ANO10: variants seen among roughly 807,000 people sequenced by gnomAD.
ANO10 encodes the protein anoctamin 10, also known as anoctamin-10.
A neutral mutation model predicts 74.7 loss-of-function variants in ANO10; 77 were observed. The observed-to-expected ratio is 1.03, with a 90% CI of 0.86 to 1.25. ANO10 has a LOEUF of 1.25. Ranked by LOEUF, ANO10 falls within the 50% of genes most tolerant of loss-of-function variation. The probability of loss-of-function intolerance (pLI) is 0.00; values close to 1 mark genes in which losing one functional copy is unlikely to be tolerated. For missense variants in ANO10, 721 were observed against 778.1 expected (o/e 0.93, Z 0.87); for synonymous variants, 279 against 284.9 (o/e 0.98, Z 0.21).
chr3:43,690,404 G>T (rs2084342575), intron 1 of ANO10: 1 of 152,478 alleles, frequency 6.6e-6, no homozygotes, highest in South Asian at 2.1e-4. Context: ...CGAGTGGGAG[G>T]GAAATTGCTG....
chr3:43,613,027 G>T (rs1158023171), intron 1 of ANO10, among the ~76,000 whole-genome samples: 1 of 152,052 alleles, frequency 6.6e-6, no homozygotes, highest in African/African-American at 2.4e-5. Context: ...AATTAGCCAG[G>T]CGTGGTGGCA....
intron 11 of ANO10, among the ~76,000 whole-genome samples, chr3:43,473,318 C>T (rs541804027): frequency 7.9e-4 from 120 of 152,228 alleles, no homozygotes; most frequent in Non-Finnish European, 1.5e-3. Flanking sequence ...CCATGCCCAG[C>T]GCCGTCTACA....
chr3:43,500,337 C>G (rs2077054809), intron 11 of ANO10, among the ~76,000 whole-genome samples: 1 of 152,188 alleles, frequency 6.6e-6, no homozygotes, highest in Non-Finnish European at 1.5e-5. Context: ...CAGCTGGCAT[C>G]CATTTGCAAG....
intron 11 of ANO10, among the ~76,000 whole-genome samples, chr3:43,448,225 T>C (rs1025285518): frequency 2.8e-4 from 43 of 152,192 alleles, no homozygotes; most frequent in African/African-American, 9.7e-4. Context: ...TATTCTGTTA[T>C]AGCAGCCTGA....
chr3:43,569,216 T>C (rs2080552858), intron 7 of ANO10, among the ~76,000 whole-genome samples: 1 of 126,210 alleles, frequency 7.9e-6, no homozygotes, highest in Non-Finnish European at 1.6e-5. Flanking sequence ...CCAAAAAGAG[T>C]CCAGGACCAG....
At chr3:43,533,944 GAATT>G (rs1328297314) in intron 11 of ANO10, among the ~76,000 whole-genome samples, 1 of 152,156 alleles carries the variant, frequency 6.6e-6, no homozygotes, top group Admixed American at 6.5e-5. Context: ...TTCTGCTTAT[GAATT>G]AATGCTTATT....
intron 1 of ANO10, among the ~76,000 whole-genome samples, chr3:43,683,015 T>C (rs1197763615): frequency 6.6e-6 from 1 of 152,144 alleles, no homozygotes; most frequent in Non-Finnish European, 1.5e-5. Flanking sequence ...CTTTGAAAAC[T>C]GGCACAAGAC....
intron 11 of ANO10, among the ~76,000 whole-genome samples, chr3:43,522,936 T>C (rs1411368812): frequency 3.3e-5 from 5 of 152,170 alleles, no homozygotes; most frequent in African/African-American, 1.2e-4. Context: ...AAATTATTAC[T>C]GGCTCAATAT....
At chr3:43,679,615 G>C (rs2084168191) in intron 1 of ANO10, among the ~76,000 whole-genome samples, 1 of 152,190 alleles carries the variant, frequency 6.6e-6, no homozygotes, top group Non-Finnish European at 1.5e-5. Context: ...CACACAGCTG[G>C]AGATCTGAGA....
rs755577754 is a variant in ANO10, at chr3:43,691,050, C to T, written c.-12+467G>A. 3.9e-6 allele frequency: 6 copies of T among 1,548,386 alleles called. No homozygotes were observed. In the East Asian group the frequency reaches 1.6e-4, roughly 41 times the overall value. On this transcript the variant is annotated intron_variant, in intron 1 of 3. Transcript: ENST00000413397. ...CGACACCGGAGAGAGGTAAGCGCAG[C>T]CGGCAGGGGGCTTCGTGTGTCTCCG...
At chr3:43,547,794 A>G (rs2079266711) in intron 11 of ANO10, among the ~76,000 whole-genome samples, 1 of 152,218 alleles carries the variant, frequency 6.6e-6, no homozygotes, top group Non-Finnish European at 1.5e-5. Flanking sequence ...TATGTGATTA[A>G]GGTATCACTA....
intron 12 of ANO10, among the ~76,000 whole-genome samples, chr3:43,414,849 C>T (rs1169662760): frequency 6.6e-6 from 1 of 152,028 alleles, no homozygotes; most frequent in African/African-American, 2.4e-5. Context: ...TACTTATACC[C>T]ATGTGCTCTG....
chr3:43,622,249 A>T (rs555498760), upstream of ANO10, among the ~76,000 whole-genome samples: 1 of 152,124 alleles, frequency 6.6e-6, no homozygotes, highest in Non-Finnish European at 1.5e-5. Flanking sequence ...CGCCTGGAAC[A>T]GGAGACCAGG....
chr3:43,551,321 T>G, intron 10 of ANO10, among the ~76,000 whole-genome samples: 1 of 152,234 alleles, frequency 6.6e-6, no homozygotes, highest in Non-Finnish European at 1.5e-5. Context: ...CAGCAGCATA[T>G]GACAGTGCCT....
At chr3:43,622,521 A>G (rs890740490), upstream of ANO10, among the ~76,000 whole-genome samples, 1 of 152,216 alleles carries the variant, frequency 6.6e-6, no homozygotes, top group Admixed American at 6.5e-5. Flanking sequence ...TCTCATTTTA[A>G]CTGTAGCTCA....
At chr3:43,425,718 G>GTTATATATAAAAGAATGTC (rs1394411070) in intron 12 of ANO10, among the ~76,000 whole-genome samples, 1 of 152,070 alleles carries the variant, frequency 6.6e-6, no homozygotes, top group African/African-American at 2.4e-5. Context: ...CTGCAGTACA[G>GTTATATATAAAAGAATGTC]CATCACATGA....
Position 43,600,479 on chromosome 3 carries a change from A to G in ANO10, c.242T>C (p.Leu81Pro). Residue 81 changes from leucine to proline, a missense_variant, in exon 3 of 13, where the codon CTA (leucine) becomes CCA (proline). Physicochemically the swap from Leu to Pro is moderately conservative, Grantham distance 98. Transcript: ENST00000292246. ...LVGASKIRML[L>P]GAEAVGLVKE... is the part of the protein sequence containing the mutation. The stretch of plus-strand genomic sequence containing the variant: ...TACCAATCCCACTGCTTCTGCCCCT[A>G]GTAACATTCTAATCTTGGAGGCACC... The G allele has an allele frequency of 6.2e-7, 1 of 1,614,146 alleles. No individual in the cohort carries two copies. Among genetic ancestry groups the G allele is most frequent in the South Asian group, 1.1e-5 (1 of 91,090 alleles).
chr3:43,462,680 T>C (rs1156820409), intron 11 of ANO10, among the ~76,000 whole-genome samples: 1 of 152,180 alleles, frequency 6.6e-6, no homozygotes, highest in East Asian at 1.9e-4. Flanking sequence ...TGAATGTTAA[T>C]CCCCAAGACA....
intron 12 of ANO10, among the ~76,000 whole-genome samples, chr3:43,429,257 G>A (rs957946800): frequency 2.0e-5 from 3 of 151,976 alleles, no homozygotes; most frequent in Non-Finnish European, 4.4e-5. Context: ...AGGTTCATAG[G>A]GAATGAGGTA....
Sources: allele counts gnomAD v4.1 joint callset (sites outside exome capture counted in the v4.1 genomes callset), GRCh38; gene constraint gnomAD v4.1.1; transcripts MANE v1.5; gene names NCBI Gene and HGNC (gene_info 2026-07-23, HGNC 2026-07-21).